ERBB4: variants seen among roughly 807,000 people sequenced by gnomAD.
ERBB4 encodes the protein receptor tyrosine-protein kinase erbB-4.
In ERBB4, 42 loss-of-function variants were observed where a neutral mutation model predicts 158.0. The observed-to-expected ratio is 0.27, with a 90% CI of 0.21 to 0.34. The LOEUF is 0.34. Ranked by LOEUF, ERBB4 falls within the 10% of genes least tolerant of loss-of-function variation. The pLI is 1.00. For missense variants in ERBB4, 1,333 were observed against 1,624.1 expected (o/e 0.82, Z 3.08); for synonymous variants, 583 against 558.7 (o/e 1.04, Z -0.61).
At chr2:212,041,228 G>A (rs767266935) in intron 2 of ERBB4, among the ~76,000 whole-genome samples, 59 of 152,044 alleles carry the variant, frequency 3.9e-4, no homozygotes, top group Non-Finnish European at 7.2e-4. Context: ...AACGGTAAAC[G>A]GGTTACAAAA....
chr2:212,336,081 G>C (rs992645388), intron 1 of ERBB4, among the ~76,000 whole-genome samples: 4 of 151,864 alleles, frequency 2.6e-5, no homozygotes, highest in Non-Finnish European at 5.9e-5. Flanking sequence ...GGGGAACTGG[G>C]GGATACATGG....
At chr2:211,469,275 C>T (rs1170029194) in intron 20 of ERBB4, among the ~76,000 whole-genome samples, 1 of 152,140 alleles carries the variant, frequency 6.6e-6, no homozygotes, top group Non-Finnish European at 1.5e-5. Context: ...TAAATATATT[C>T]ATTCATTTAT....
At chr2:211,978,939 T>C (rs138382801) in intron 2 of ERBB4, among the ~76,000 whole-genome samples, 294 of 152,278 alleles carry the variant, frequency 1.9e-3, no homozygotes, top group Admixed American at 6.0e-3. Flanking sequence ...CAGAAAATCA[T>C]CTAATACTTC....
chr2:212,510,602 AC>A (rs1691463792), intron 1 of ERBB4, among the ~76,000 whole-genome samples: 1 of 152,058 alleles, frequency 6.6e-6, no homozygotes, highest in Non-Finnish European at 1.5e-5. Context: ...ATGAATTATC[AC>A]GCTATGAAAA....
At chr2:211,474,423 G>A (rs192307031) in intron 20 of ERBB4, among the ~76,000 whole-genome samples, 113 of 152,034 alleles carry the variant, frequency 7.4e-4, no homozygotes, top group East Asian at 5.4e-3. Flanking sequence ...CCAGGATTTC[G>A]TGTAAGACAT....
intron 20 of ERBB4, among the ~76,000 whole-genome samples, chr2:211,496,378 G>C (rs913187660): frequency 4.0e-5 from 6 of 151,818 alleles, no homozygotes; most frequent in Admixed American, 1.3e-4. Context: ...GTGCAAATCT[G>C]TGCTCCTAAT....
intron 1 of ERBB4, among the ~76,000 whole-genome samples, chr2:212,446,591 GTA>G (rs71057412): frequency 7.6e-4 from 21 of 27,510 alleles, no homozygotes; most frequent in South Asian, 1.4e-3. Flanking sequence ...ATATATATAT[GTA>G]TATATATATA....
At chr2:211,588,002 A>G (rs577753893) in intron 19 of ERBB4, among the ~76,000 whole-genome samples, 1 of 152,318 alleles carries the variant, frequency 6.6e-6, no homozygotes, top group East Asian at 1.9e-4. Flanking sequence ...CTGTACAGCC[A>G]CAGAGTGTAA....
At chr2:212,270,828 G>A (rs745968429) in intron 1 of ERBB4, among the ~76,000 whole-genome samples, 35 of 151,664 alleles carry the variant, frequency 2.3e-4, no homozygotes, top group Non-Finnish European at 4.4e-4. Flanking sequence ...GGGAGAGGAG[G>A]AGAGAAATAG....
rs985177377 is a variant in ERBB4 at position 211,570,467 on chromosome 2, CTT to C, written c.2302-8381_2302-8380del. Among the ~76,000 whole-genome samples the C allele has an allele frequency of 8.0e-5, 12 of 150,434 alleles. 1 individual carries two copies. Among genetic ancestry groups the C allele is most frequent in the African/African-American group, 2.7e-4 (11 of 41,092 alleles). On this transcript the variant is annotated intron_variant, in intron 19 of 27. Transcript: ENST00000342788. ...AGGCATGAGCCACCATGCCAGGCCT[CTT>C]TTAGTTTTTAATTTCTTACTGATGC...
chr2:212,401,811 T>G (rs1260676466), intron 1 of ERBB4, among the ~76,000 whole-genome samples: 1 of 152,180 alleles, frequency 6.6e-6, no homozygotes, highest in Admixed American at 6.6e-5. Flanking sequence ...ACAAACATAA[T>G]TATTGAAAAC....
intron 18 of ERBB4, among the ~76,000 whole-genome samples, chr2:211,623,594 G>A (rs1485531258): frequency 6.6e-6 from 1 of 152,096 alleles, no homozygotes; most frequent in African/African-American, 2.4e-5. Flanking sequence ...AGGGGTAATG[G>A]CAAATGGGTT....
intron 2 of ERBB4, among the ~76,000 whole-genome samples, chr2:212,114,702 A>G (rs1400388729): frequency 6.6e-6 from 1 of 152,208 alleles, no homozygotes; most frequent in East Asian, 1.9e-4. Context: ...CAACCCTCAC[A>G]AACTATGTAG....
intron 2 of ERBB4, among the ~76,000 whole-genome samples, chr2:211,963,164 C>T (rs1201377164): frequency 1.2e-4 from 19 of 152,024 alleles, no homozygotes; most frequent in Admixed American, 2.6e-4. Context: ...CAGAAGACAT[C>T]TGGCAATGTC....
intron 3 of ERBB4, among the ~76,000 whole-genome samples, chr2:211,911,776 C>T (rs563699724): frequency 1.5e-4 from 22 of 149,952 alleles, no homozygotes; most frequent in African/African-American, 5.4e-4. Flanking sequence ...AGATGATAAT[C>T]AAAGGTTACA....
At chr2:212,307,496 C>G (rs2086853562) in intron 1 of ERBB4, among the ~76,000 whole-genome samples, 1 of 150,642 alleles carries the variant, frequency 6.6e-6, no homozygotes, top group African/African-American at 2.4e-5. Context: ...CCACTTTGCC[C>G]TTTTTTATGT....
intron 1 of ERBB4, among the ~76,000 whole-genome samples, chr2:212,513,182 T>G (rs1691622844): frequency 6.6e-6 from 1 of 152,196 alleles, no homozygotes; most frequent in Non-Finnish European, 1.5e-5. Context: ...CTCACTAGAT[T>G]GTTTAATAAA....
At chr2:211,696,035 C>T (rs1030384331) in intron 12 of ERBB4, among the ~76,000 whole-genome samples, 2 of 142,320 alleles carry the variant, frequency 1.4e-5, no homozygotes, top group East Asian at 2.1e-4. Flanking sequence ...TTCCTTCCTT[C>T]CCTCCTTCCC....
At chr2:212,489,708 G>A (rs1331271741) in intron 1 of ERBB4, among the ~76,000 whole-genome samples, 2 of 148,928 alleles carry the variant, frequency 1.3e-5, no homozygotes, top group Non-Finnish European at 3.0e-5. Context: ...GGGAATTGAG[G>A]GAAAAAATAT....
Sources: allele counts gnomAD v4.1 joint callset (sites outside exome capture counted in the v4.1 genomes callset), GRCh38; gene constraint gnomAD v4.1.1; transcripts MANE v1.5; gene names NCBI Gene and HGNC (gene_info 2026-07-23, HGNC 2026-07-21).